NCOA1: variants seen among roughly 807,000 people sequenced by gnomAD.
The protein encoded by NCOA1 is Hin-2 protein.
A neutral mutation model predicts 150.9 loss-of-function variants in NCOA1; 35 were observed. That is an observed-to-expected ratio of 0.23 (90% CI 0.18 to 0.31). NCOA1 has a LOEUF of 0.31. Among genes scored for constraint, NCOA1 ranks in the 10% least tolerant of loss-of-function variants. The probability of loss-of-function intolerance (pLI) is 1.00; values close to 1 mark genes in which losing one functional copy is unlikely to be tolerated. For synonymous variants in NCOA1, 590 were observed against 630.0 expected (o/e 0.94, Z 0.95); for missense variants, 1,491 against 1,749.3 (o/e 0.85, Z 2.63).
chr2:24,576,334 C>G (rs1174079658), intron 2 of NCOA1, among the ~76,000 whole-genome samples: 1 of 152,004 alleles, frequency 6.6e-6, no homozygotes, highest in African/African-American at 2.4e-5. Flanking sequence ...GGCTAGTCCA[C>G]AAATTCTGGC....
In NCOA1 at chr2:24,635,870, C is replaced by T. The variant is rs757031690; in HGVS notation, c.-174-8096C>T. On this transcript the variant is annotated intron_variant, in intron 3 of 22. Coordinates refer to ENST00000348332, the MANE Select transcript of NCOA1 (RefSeq NM_003743.5). ...GAGTTTTTGAAGTATGAGTTTAAGT[C>T]AAGGAAAGAAAAAAATTGAAAATAT... 5.3e-5 allele frequency among the ~76,000 whole-genome samples: 8 copies of T among 151,664 alleles called. 1 individual carries two copies. The highest frequency in any genetic ancestry group is 8.8e-5 in the Non-Finnish European group (6 of 67,942).
In NCOA1 at chr2:24,576,499, T is replaced by C. The variant is rs560952315; in HGVS notation, c.-259-7977T>C. On this transcript the variant is annotated intron_variant, in intron 2 of 22. Coordinates refer to ENST00000348332, the MANE Select transcript of NCOA1 (RefSeq NM_003743.5). ...ATGTAGGACTCACATCATTTTTTCA[T>C]CTTTTCTCAGGAATCCCACTCCTGC... Among the ~76,000 whole-genome samples, 18 of 152,308 alleles carry C rather than the reference T, an allele frequency of 1.2e-4. 1 individual carries two copies. The South Asian group carries it at 3.7e-3, about 32-fold the overall frequency.
At chr2:24,558,135 A>G (rs925013446) in intron 1 of NCOA1, among the ~76,000 whole-genome samples, 3 of 151,916 alleles carry the variant, frequency 2.0e-5, no homozygotes, top group Non-Finnish European at 4.4e-5. Context: ...GAATACTCCA[A>G]ACTGTATTTT....
intron 18 of NCOA1, among the ~76,000 whole-genome samples, chr2:24,741,176 GGTA>G (rs1353652529): frequency 6.6e-6 from 1 of 151,942 alleles, no homozygotes; most frequent in Non-Finnish European, 1.5e-5. Flanking sequence ...TAATTGTAAA[GGTA>G]GTACATGTTC....
intron 8 of NCOA1, among the ~76,000 whole-genome samples, chr2:24,691,016 ATCT>A (rs1672645779): frequency 1.3e-5 from 2 of 152,180 alleles, no homozygotes; most frequent in Admixed American, 6.5e-5. Flanking sequence ...GAAAATTGAA[ATCT>A]TCTTCCCCAG....
chr2:24,765,416 G>A (rs1463400966), intron 22 of NCOA1, among the ~76,000 whole-genome samples: 2 of 151,568 alleles, frequency 1.3e-5, no homozygotes, highest in South Asian at 2.1e-4. Flanking sequence ...GGAGAATGGC[G>A]TGAACCTGGG....
At position 24,674,230 on chromosome 2, in the gene NCOA1, G is replaced by A. The variant is rs561370056; in HGVS notation, c.354+767G>A. Among the ~76,000 whole-genome samples the A allele has an allele frequency of 2.8e-4, 42 of 148,606 alleles. 1 individual carries two copies. In the South Asian group the frequency reaches 9.0e-3, roughly 32 times the overall value. ...TACCCCTTTTTTTTTTTTTGAGACG[G>A]AGTCTCGCTTTGTGGCCCATGCTGG... On this transcript the variant is annotated intron_variant, in intron 7 of 22. Coordinates refer to ENST00000348332, the MANE Select transcript of NCOA1 (RefSeq NM_003743.5).
intron 2 of NCOA1, among the ~76,000 whole-genome samples, chr2:24,573,600 T>C (rs1248327861): frequency 6.6e-6 from 1 of 152,118 alleles, no homozygotes; most frequent in African/African-American, 2.4e-5. Flanking sequence ...TATCTAAATT[T>C]GGGATTAAGT....
chr2:24,760,403 C>T lies in NCOA1; in HGVS notation c.4065+2247C>T, dbSNP rs187817600. Reference sequence around the variant, plus strand: ...CAATCTCCTGACATCATGTTCTGCCCGCCTCGGCCTCCCAAAGTGCTGGGA... The same window carrying T: ...CAATCTCCTGACATCATGTTCTGCCTGCCTCGGCCTCCCAAAGTGCTGGGA... On this transcript the variant is annotated intron_variant, in intron 21 of 22. Coordinates refer to ENST00000348332, the MANE Select transcript of NCOA1 (RefSeq NM_003743.5). Among the ~76,000 whole-genome samples, 8 of 151,174 alleles carry T rather than the reference C, an allele frequency of 5.3e-5. No homozygotes were observed. The East Asian group carries it at 9.7e-4, about 18-fold the overall frequency.
intron 19 of NCOA1, among the ~76,000 whole-genome samples, chr2:24,747,963 G>A (rs1162224628): frequency 6.6e-6 from 1 of 152,098 alleles, no homozygotes; most frequent in Non-Finnish European, 1.5e-5. Flanking sequence ...AAAAGTAGCT[G>A]GGCGTGGTGG....
chr2:24,693,891 A>G (rs1672780179), intron 10 of NCOA1, among the ~76,000 whole-genome samples: 1 of 152,186 alleles, frequency 6.6e-6, no homozygotes, highest in Non-Finnish European at 1.5e-5. Flanking sequence ...ATGAGATGGT[A>G]TAAGGGAGGA....
At chr2:24,660,332 A>C (rs373888718) in intron 5 of NCOA1, among the ~76,000 whole-genome samples, 63 of 151,722 alleles carry the variant, frequency 4.2e-4, no homozygotes, top group South Asian at 1.2e-3. Context: ...AATGTAATTG[A>C]TAATATTTTA....
At chr2:24,658,912 T>A in intron 5 of NCOA1, 146 bp downstream of exon 5, 1 of 688,874 alleles carries the variant, frequency 1.5e-6, no homozygotes, top group Non-Finnish European at 2.5e-6. Flanking sequence ...TCCCCCAGGG[T>A]CTTTGCACAT....
At chr2:24,691,332 C>T in intron 8 of NCOA1, 149 bp from the exon 9 acceptor site, 1 of 613,876 alleles carries the variant, frequency 1.6e-6, no homozygotes, top group South Asian at 2.6e-5. Context: ...ATTCTATTGC[C>T]TCAGGATAAT....
chr2:24,621,432 A>ATTTTTTTTTTTTTTTTTT lies in NCOA1; in HGVS notation c.-174-22518_-174-22501dup, dbSNP rs1162282258. Among the ~76,000 whole-genome samples the ATTTTTTTTTTTTTTTTTT allele has an allele frequency of 1.0e-4, 4 of 38,892 alleles. 1 individual carries two copies. The highest frequency in any genetic ancestry group is 2.3e-4 in the African/African-American group (2 of 8,606). 25.5% of individuals were successfully genotyped at this position (38,892 alleles called of 152,430 possible). A position where few individuals can be genotyped will look rare whatever the true frequency, so the allele number is the denominator to read the frequency against. On this transcript the variant is annotated intron_variant, in intron 3 of 22. Transcript: ENST00000348332. ...TTGTGTTATGTGTGTATTCAGGCAG[A>ATTTTTTTTTTTTTTTTTT]TTTTTTTTTTTTTTTTTTTTTTTTT... is the stretch of plus-strand genomic sequence containing the variant.
chr2:24,520,895 ATTG>A (rs1558761950), intron 1 of NCOA1, among the ~76,000 whole-genome samples: 2 of 79,518 alleles, frequency 2.5e-5, no homozygotes, highest in Admixed American at 1.4e-4. Context: ...CTTCTCTCCT[ATTG>A]TTCTTTTTCC....
chr2:24,521,323 C>A (rs1664410172), intron 1 of NCOA1, among the ~76,000 whole-genome samples: 1 of 152,138 alleles, frequency 6.6e-6, no homozygotes, highest in Non-Finnish European at 1.5e-5. Context: ...TAAAATAGAG[C>A]TCCAGAATTT....
At chr2:24,551,111 A>AG (rs1665814242) in intron 1 of NCOA1, among the ~76,000 whole-genome samples, 1 of 151,840 alleles carries the variant, frequency 6.6e-6, no homozygotes, top group African/African-American at 2.4e-5. Flanking sequence ...AAAAAAAAAA[A>AG]AGCTCTGATA....
intron 4 of NCOA1, among the ~76,000 whole-genome samples, chr2:24,644,936 G>T (rs577217926): frequency 1.3e-5 from 2 of 152,108 alleles, no homozygotes; most frequent in Admixed American, 1.3e-4. Context: ...CCAGCTGCAC[G>T]CCCATTCACT....
Sources: gnomAD v4.1 joint callset for allele counts (sites outside exome capture counted in the v4.1 genomes callset) on GRCh38, gnomAD v4.1.1 for gene constraint, MANE v1.5 for transcripts, NCBI Gene and HGNC (gene_info 2026-07-23, HGNC 2026-07-21) for gene names.